ROBO2: variants seen among roughly 807,000 people sequenced by gnomAD.
The protein encoded by ROBO2 is roundabout guidance receptor 2, also known as roundabout homolog 2.
Under a neutral mutation model 160.8 loss-of-function variants are expected in ROBO2, and 53 were observed. The observed-to-expected ratio is 0.33, with a 90% CI of 0.26 to 0.41. The LOEUF (loss-of-function observed/expected upper bound fraction) is 0.41. Among genes scored for constraint, ROBO2 ranks in the 10% least tolerant of loss-of-function variants. ROBO2 has a pLI of 1.00. For missense variants in ROBO2, 1,577 were observed against 1,722.4 expected (o/e 0.92, Z 1.49); for synonymous variants, 664 against 611.7 (o/e 1.09, Z -1.26).
rs1433740534 is a variant in ROBO2 at position 77,180,416 on chromosome 3, C to CTCTCTATA, written c.388+82077_388+82078insCTCTATAT. The stretch of plus-strand genomic sequence containing the variant: ...TCTCTCTCTCTCTCTCTCTCTCTCT[C>CTCTCTATA]TATATATATATATATGTATTTTTTT... On this transcript the variant is annotated intron_variant, in intron 2 of 25. Coordinates refer to ENST00000461745, the Ensembl canonical transcript of ROBO2. 4.8e-3 allele frequency among the ~76,000 whole-genome samples: 439 copies of CTCTCTATA among 90,728 alleles called. 10 individuals carry two copies. The highest frequency in any genetic ancestry group is 0.01 in the Middle Eastern group (1 of 98). 59.5% of individuals were successfully genotyped at this position (90,728 alleles called of 152,430 possible).
At chr3:76,692,582 G>A (rs914893801) in intron 2 of ROBO2, among the ~76,000 whole-genome samples, 1 of 152,042 alleles carries the variant, frequency 6.6e-6, no homozygotes, top group African/African-American at 2.4e-5. Context: ...ATGATCAATT[G>A]ACTGACTTTC....
chr3:77,532,323 G>A (rs1401367263), intron 6 of ROBO2, among the ~76,000 whole-genome samples: 1 of 151,776 alleles, frequency 6.6e-6, no homozygotes, highest in African/African-American at 2.4e-5. Flanking sequence ...TCTTGGCTGG[G>A]ATTTTCTTTT....
At chr3:76,947,093 A>T (rs1195593593) in intron 2 of ROBO2, among the ~76,000 whole-genome samples, 1 of 152,222 alleles carries the variant, frequency 6.6e-6, no homozygotes, top group Non-Finnish European at 1.5e-5. Flanking sequence ...TCAAAATCAC[A>T]ATATGCTAAA....
chr3:76,083,172 A>T (rs1246248093), intron 2 of ROBO2, among the ~76,000 whole-genome samples: 1 of 152,080 alleles, frequency 6.6e-6, no homozygotes, highest in African/African-American at 2.4e-5. Flanking sequence ...TCAAAAGGGA[A>T]TGGAATTGCA....
intron 2 of ROBO2, among the ~76,000 whole-genome samples, chr3:77,306,967 T>C (rs1156275094): frequency 6.6e-6 from 1 of 152,236 alleles, no homozygotes; most frequent in East Asian, 1.9e-4. Flanking sequence ...TTTTTCATTC[T>C]AGTTATCCTT....
intron 17 of ROBO2, among the ~76,000 whole-genome samples, chr3:77,593,305 T>C (rs2094221561): frequency 1.3e-5 from 2 of 152,284 alleles, no homozygotes; most frequent in Admixed American, 1.3e-4. Context: ...TAATCAGGCA[T>C]TTATTTAATA....
intron 2 of ROBO2, among the ~76,000 whole-genome samples, chr3:76,960,653 G>A (rs971483797): frequency 5.9e-5 from 9 of 152,104 alleles, no homozygotes; most frequent in East Asian, 3.9e-4. Flanking sequence ...CTTATTTAAC[G>A]TTCTTGTGAA....
rs575602751 is a variant in ROBO2 at position 76,055,473 on chromosome 3, T to C, written c.109+117871T>C. On this transcript the variant is annotated intron_variant, in intron 2 of 26. Transcript: ENST00000487694. ...AGTGAACATTATACTCAATAGGCAGTTTATTAACCCTCATTCCCCTGTCGC... is the reference window on the plus strand; with the variant it reads ...AGTGAACATTATACTCAATAGGCAGCTTATTAACCCTCATTCCCCTGTCGC... 3.3e-5 allele frequency among the ~76,000 whole-genome samples: 5 copies of C among 152,274 alleles called. No homozygotes were observed. The East Asian group carries it at 9.7e-4, about 30-fold the overall frequency.
At chr3:76,825,603 CAAAAAAAAAA>C (rs201063990) in intron 2 of ROBO2, among the ~76,000 whole-genome samples, 14 of 72,506 alleles carry the variant, frequency 1.9e-4, no homozygotes, top group African/African-American at 4.2e-4. Context: ...TCATCTTAGC[CAAAAAAAAAA>C]AAAAAAAAAA....
At chr3:77,010,130 GT>G (rs1428119017) in intron 2 of ROBO2, among the ~76,000 whole-genome samples, 1 of 151,996 alleles carries the variant, frequency 6.6e-6, no homozygotes, top group Non-Finnish European at 1.5e-5. Context: ...TTGGTTTTAT[GT>G]TGTTTTTGCT....
At chr3:76,999,270 C>T in intron 2 of ROBO2, among the ~76,000 whole-genome samples, 1 of 151,942 alleles carries the variant, frequency 6.6e-6, no homozygotes, top group South Asian at 2.1e-4. Flanking sequence ...CTGTCACCTA[C>T]AGCCTGGGTG....
chr3:77,025,614 A>T (rs1255979099), intron 2 of ROBO2, among the ~76,000 whole-genome samples: 2 of 152,196 alleles, frequency 1.3e-5, no homozygotes, highest in Non-Finnish European at 2.9e-5. Context: ...AATGCAAACA[A>T]CCTCAAAGAA....
intron 2 of ROBO2, among the ~76,000 whole-genome samples, chr3:76,716,645 T>C (rs1263145057): frequency 2.0e-5 from 3 of 152,158 alleles, no homozygotes; most frequent in African/African-American, 4.8e-5. Flanking sequence ...AATAAGCAAA[T>C]TGGTTGTTTA....
intron 4 of ROBO2, among the ~76,000 whole-genome samples, chr3:77,488,911 A>C (rs2085718369): frequency 6.6e-6 from 1 of 152,216 alleles, no homozygotes; most frequent in Admixed American, 6.5e-5. Flanking sequence ...TCTTACAAAA[A>C]ATTTCTTCCA....
At position 77,518,532 on chromosome 3, in the gene ROBO2, T is replaced by C. The variant is rs183955479; in HGVS notation, c.807-4243T>C. On this transcript the variant is annotated intron_variant, in intron 5 of 25. Transcript: ENST00000461745. The stretch of plus-strand genomic sequence containing the variant: ...CATGTATTGTAGCATTTACTTCTAG[T>C]TGGAGAAAGACAAGGCATGGCCCTG... Among the ~76,000 whole-genome samples the C allele has an allele frequency of 1.1e-4, 16 of 151,480 alleles. 1 individual carries two copies. The highest frequency in any genetic ancestry group is 3.6e-4 in the African/African-American group (15 of 41,440).
intron 2 of ROBO2, among the ~76,000 whole-genome samples, chr3:76,729,934 G>A (rs1339522383): frequency 2.6e-5 from 4 of 152,088 alleles, no homozygotes; most frequent in Non-Finnish European, 5.9e-5. Context: ...CACTTCGCCC[G>A]GCCTACACAT....
At chr3:77,573,022 CT>C (rs2093676762) in intron 13 of ROBO2, among the ~76,000 whole-genome samples, 1 of 151,934 alleles carries the variant, frequency 6.6e-6, no homozygotes, top group Non-Finnish European at 1.5e-5. Context: ...TTTATTTCCT[CT>C]TTCTCTACAA....
intron 2 of ROBO2, among the ~76,000 whole-genome samples, chr3:76,668,521 T>A (rs926990187): frequency 6.6e-6 from 1 of 152,112 alleles, no homozygotes; most frequent in Non-Finnish European, 1.5e-5. Context: ...ACATCTAACT[T>A]AAAAATAAAA....
rs376346194 is a variant in ROBO2, at chr3:77,211,403, C to G, written c.388+113063C>G. ...AAATGTCTTCTTTTGAGAAGTGTCT[C>G]TTCATATCCTTTGCCCACTTTTTGA... On this transcript the variant is annotated intron_variant, in intron 2 of 25. Coordinates refer to ENST00000461745, the Ensembl canonical transcript of ROBO2. 4.1e-3 allele frequency among the ~76,000 whole-genome samples: 628 copies of G among 152,222 alleles called. 5 individuals are homozygous for G. The highest frequency in any genetic ancestry group is 0.014 in the African/African-American group (588 of 41,532).
Sources: gnomAD v4.1 joint callset for allele counts (sites outside exome capture counted in the v4.1 genomes callset) on GRCh38, gnomAD v4.1.1 for gene constraint, MANE v1.5 for transcripts, NCBI Gene and HGNC (gene_info 2026-07-23, HGNC 2026-07-21) for gene names.